FOXP2: variants seen among roughly 807,000 people sequenced by gnomAD.
FOXP2 encodes forkhead box P2.
FOXP2 carries 12 observed loss-of-function variants against 115.8 expected under a neutral mutation model. That is an observed-to-expected ratio of 0.10 (90% CI 0.07 to 0.17). The LOEUF (loss-of-function observed/expected upper bound fraction) is 0.17, where lower values mean the gene tolerates loss of function less well. FOXP2 is among the 10% of genes least tolerant of loss of function. FOXP2 has a pLI of 1.00. For synonymous variants in FOXP2, 328 were observed against 297.7 expected, an observed-to-expected ratio of 1.10 and a Z score of -1.05; for missense variants, 629 against 843.5, an observed-to-expected ratio of 0.75 and a Z score of 3.15.
chr7:114,129,985 T>C (rs894486536), intron 1 of FOXP2, among the ~76,000 whole-genome samples: 3 of 152,174 alleles, frequency 2.0e-5, no homozygotes, highest in African/African-American at 7.2e-5. Context: ...CTGAAAACTT[T>C]TCTTGATGGG....
At chr7:114,218,670 A>G (rs1019639604) in intron 1 of FOXP2, among the ~76,000 whole-genome samples, 1 of 152,326 alleles carries the variant, frequency 6.6e-6, no homozygotes, top group African/African-American at 2.4e-5. Flanking sequence ...TAAGTTAAGG[A>G]AAGTCCAATG....
At chr7:114,176,386 T>G (rs1793311100) in intron 1 of FOXP2, among the ~76,000 whole-genome samples, 1 of 151,288 alleles carries the variant, frequency 6.6e-6, no homozygotes, top group Admixed American at 6.6e-5. Flanking sequence ...TCACACAGGC[T>G]GGAGTGCAGT....
At chr7:114,337,990 T>C (rs1309660369) in intron 2 of FOXP2, among the ~76,000 whole-genome samples, 1 of 151,270 alleles carries the variant, frequency 6.6e-6, no homozygotes, top group Non-Finnish European at 1.5e-5. Flanking sequence ...TTATAGACTA[T>C]AAATACTCAA....
At chr7:114,293,923 T>C (rs2129177026) in intron 2 of FOXP2, among the ~76,000 whole-genome samples, 1 of 152,108 alleles carries the variant, frequency 6.6e-6, no homozygotes, top group South Asian at 2.1e-4. Context: ...TAAGTTTGGG[T>C]GGTAATTTTT....
intron 1 of FOXP2, among the ~76,000 whole-genome samples, chr7:114,253,369 T>A (rs1345168161): frequency 6.6e-6 from 1 of 152,152 alleles, no homozygotes; most frequent in Non-Finnish European, 1.5e-5. Flanking sequence ...GTCTCGTTGA[T>A]CTGTCTAATG....
intron 2 of FOXP2, among the ~76,000 whole-genome samples, chr7:114,367,816 A>G (rs1212534463): frequency 6.6e-6 from 1 of 152,200 alleles, no homozygotes; most frequent in Non-Finnish European, 1.5e-5. Context: ...ATAAGAGTAT[A>G]TCTGTAAGAG....
At chr7:114,291,191 G>C (rs1352208823) in intron 2 of FOXP2, among the ~76,000 whole-genome samples, 1 of 152,092 alleles carries the variant, frequency 6.6e-6, no homozygotes, top group African/African-American at 2.4e-5. Context: ...CTCTGGTGAG[G>C]GCCTTCTTTC....
chr7:114,633,792 T>A (rs1006234881), intron 6 of FOXP2, among the ~76,000 whole-genome samples: 1 of 152,130 alleles, frequency 6.6e-6, no homozygotes, highest in African/African-American at 2.4e-5. Context: ...TAAAGAAATA[T>A]TTGTTGTACA....
At chr7:114,286,882 C>T (rs1562854622) in intron 1 of FOXP2, among the ~76,000 whole-genome samples, 1 of 151,966 alleles carries the variant, frequency 6.6e-6, no homozygotes, top group East Asian at 1.9e-4. Context: ...TTAATTGGCC[C>T]TGGACTAAGG....
At chr7:114,137,461 A>C (rs1344989051) in intron 1 of FOXP2, among the ~76,000 whole-genome samples, 1 of 152,204 alleles carries the variant, frequency 6.6e-6, no homozygotes, top group Non-Finnish European at 1.5e-5. Flanking sequence ...ACATACTTTC[A>C]ATAAACTTGT....
At chr7:114,528,727 G>A (rs1167911333) in intron 2 of FOXP2, among the ~76,000 whole-genome samples, 3 of 151,392 alleles carry the variant, frequency 2.0e-5, no homozygotes, top group Admixed American at 6.6e-5. Flanking sequence ...CAGCAGTAAT[G>A]AGTCTTCAAT....
intron 6 of FOXP2, among the ~76,000 whole-genome samples, chr7:114,640,124 A>G (rs1319250198): frequency 6.6e-6 from 1 of 152,192 alleles, no homozygotes; most frequent in Non-Finnish European, 1.5e-5. Context: ...TGTTGGTGCT[A>G]TCATGAAAAA....
intron 2 of FOXP2, among the ~76,000 whole-genome samples, chr7:114,365,913 G>A (rs1331995138): frequency 1.3e-5 from 2 of 151,992 alleles, no homozygotes; most frequent in Non-Finnish European, 2.9e-5. Context: ...GGAAACTTAG[G>A]AATGTGCTAC....
intron 1 of FOXP2, among the ~76,000 whole-genome samples, chr7:114,184,227 C>A (rs908662284): frequency 2.6e-5 from 4 of 152,166 alleles, no homozygotes; most frequent in African/African-American, 4.8e-5. Context: ...ATGCCCATTT[C>A]TGAGTTGGTT....
intron 2 of FOXP2, among the ~76,000 whole-genome samples, chr7:114,328,003 C>T (rs571533144): frequency 1.3e-5 from 2 of 151,842 alleles, no homozygotes; most frequent in Admixed American, 1.3e-4. Context: ...TCACTGCAGC[C>T]TCAACTTTCT....
chr7:114,129,758 A>G (rs1045864403), intron 1 of FOXP2, among the ~76,000 whole-genome samples: 4 of 152,256 alleles, frequency 2.6e-5, no homozygotes, highest in African/African-American at 9.6e-5. Flanking sequence ...ATTGCTTTAT[A>G]TACCTTCACT....
chr7:114,577,628 C>A (rs943110643), intron 3 of FOXP2, among the ~76,000 whole-genome samples: 2 of 151,876 alleles, frequency 1.3e-5, no homozygotes, highest in African/African-American at 2.4e-5. Flanking sequence ...TCTTTCCCAC[C>A]AGACTTCCTC....
At chr7:114,475,891 TAATA>T (rs1358696901) in intron 2 of FOXP2, among the ~76,000 whole-genome samples, 1 of 151,914 alleles carries the variant, frequency 6.6e-6, no homozygotes, top group African/African-American at 2.4e-5. Context: ...TTTCCTTAAT[TAATA>T]GTCAAAAACA....
chr7:114,644,607 G>GTAACC, intron 7 of FOXP2, 78 bp from the exon 8 acceptor site: 1 of 1,220,446 alleles, frequency 8.2e-7, no homozygotes, highest in South Asian at 1.2e-5. Context: ...GTCACTGATC[G>GTAACC]TAACCTGACA....
Sources: allele counts gnomAD v4.1 joint callset (sites outside exome capture counted in the v4.1 genomes callset), GRCh38; gene constraint gnomAD v4.1.1; transcripts MANE v1.5; gene names NCBI Gene and HGNC (gene_info 2026-07-23, HGNC 2026-07-21).